COPS9: variants seen among roughly 807,000 people sequenced by gnomAD.
The protein encoded by COPS9 is COP9 signalosome complex subunit 9.
Under a neutral mutation model 7.2 loss-of-function variants are expected in COPS9, and 8 were observed. The ratio of observed to expected loss-of-function variants is 1.11; its 90% CI spans 0.65 to 2.00. The LOEUF (loss-of-function observed/expected upper bound fraction) is 2.00. Among genes scored for constraint, COPS9 ranks in the 30% most tolerant of loss-of-function variants. The pLI, the probability that COPS9 is intolerant of heterozygous loss-of-function variation, is 0.00. For missense variants in COPS9, 74 were observed against 77.7 expected, an observed-to-expected ratio of 0.95 and a Z score of 0.18; for synonymous variants, 39 against 28.7, an observed-to-expected ratio of 1.36 and a Z score of -1.14.
rs890214146 is a variant in COPS9, at chr2:240,131,190, C to T, written c.137-102G>A. Reference sequence around the variant, plus strand: ...TAGTAGTCCAAAATACAGAGATAATCGTCAATGATCCAATGAAATAAAAGA... The same window carrying T: ...TAGTAGTCCAAAATACAGAGATAATTGTCAATGATCCAATGAAATAAAAGA... On this transcript the variant is annotated intron_variant, in intron 2 of 2. Transcript: ENST00000607357. The T allele has an allele frequency of 1.9e-5, 24 of 1,272,044 alleles. No individual in the cohort carries two copies. The South Asian group carries it at 2.2e-4, about 11-fold the overall frequency. 78.8% of individuals were successfully genotyped at this position (1,272,044 alleles called of 1,614,324 possible).
At chr2:240,127,529 C>G (rs537487108), downstream of COPS9, among the ~76,000 whole-genome samples, 15 of 152,270 alleles carry the variant, frequency 9.9e-5, no homozygotes, top group South Asian at 3.1e-3. Flanking sequence ...CCTCAAAATT[C>G]ACATCGAATC....
downstream of COPS9, among the ~76,000 whole-genome samples, chr2:240,127,468 T>G (rs1027418065): frequency 6.6e-6 from 1 of 152,114 alleles, no homozygotes; most frequent in African/African-American, 2.4e-5. Context: ...CATCGGGCCA[T>G]GTCTGCTCAC....
chr2:240,127,846 C>A (rs1311505339), downstream of COPS9, among the ~76,000 whole-genome samples: 4 of 152,162 alleles, frequency 2.6e-5, no homozygotes, highest in African/African-American at 9.7e-5. Context: ...ATCCCTCGAT[C>A]AGGGTTGCTC....
At chr2:240,129,742 G>T (rs922473220), downstream of COPS9, among the ~76,000 whole-genome samples, 1 of 152,196 alleles carries the variant, frequency 6.6e-6, no homozygotes, top group East Asian at 1.9e-4. Context: ...TGAATTGCAA[G>T]AACATAGCAC....
At chr2:240,128,775 C>T (rs1055254983), downstream of COPS9, among the ~76,000 whole-genome samples, 4 of 152,158 alleles carry the variant, frequency 2.6e-5, no homozygotes, top group Non-Finnish European at 4.4e-5. Flanking sequence ...GACAGCCTCA[C>T]GGTGACAGCC....
chr2:240,134,430 T>C, intron 1 of COPS9: 1 of 174,170 alleles, frequency 5.7e-6, no homozygotes, highest in South Asian at 1.4e-4. Flanking sequence ...GAAACTGACC[T>C]GCTCTGCCTC....
In COPS9 at chr2:240,136,279, C is replaced by T; in HGVS notation, c.6G>A (p.Lys2=). The part of the protein sequence containing the change: M[K]PAVDEMFPEG... ...CGGGGAACATCTCGTCCACCGCCGG[C>T]TTCATCTCGGGGCCGCGGCGCTCTA... The change falls in exon 1 of 3, where the codon AAG becomes AAA. Residue 2 remains lysine (K), a synonymous_variant. Coordinates refer to ENST00000607357, the MANE Select transcript of COPS9 (RefSeq NM_001163424.2). 1 of 1,569,582 alleles carries T rather than the reference C, an allele frequency of 6.4e-7. No homozygotes were observed. Among genetic ancestry groups the T allele is most frequent in the Non-Finnish European group, 8.6e-7 (1 of 1,161,814 alleles).
downstream of COPS9, among the ~76,000 whole-genome samples, chr2:240,129,638 G>A (rs2071900653): frequency 1.3e-5 from 2 of 152,178 alleles, no homozygotes. Context: ...GATCACGACA[G>A]AATTCACCCA....
At chr2:240,134,040 G>A (rs377332936) in intron 1 of COPS9, 35 bp from the exon 2 acceptor site, 25 of 1,607,754 alleles carry the variant, frequency 1.6e-5, no homozygotes, top group Middle Eastern at 1.7e-4. Context: ...TGTCAGGTGC[G>A]TTTTCCGAAA....
chr2:240,131,730 G>GTT (rs1490532130), intron 2 of COPS9, among the ~76,000 whole-genome samples: 1 of 152,188 alleles, frequency 6.6e-6, no homozygotes, highest in East Asian at 1.9e-4. Flanking sequence ...AGTCTTCTGT[G>GTT]TTTTTCAAAT....
downstream of COPS9, among the ~76,000 whole-genome samples, chr2:240,128,395 A>C (rs1451879028): frequency 2.0e-5 from 3 of 152,134 alleles, no homozygotes; most frequent in East Asian, 5.8e-4. Flanking sequence ...TCTTGCATGG[A>C]TTTTAATGGA....
At chr2:240,126,711 G>A, downstream of COPS9, 1 of 1,614,170 alleles carries the variant, frequency 6.2e-7, no homozygotes. Context: ...CCTGCTTCTT[G>A]TGGTTCTGAG....
intron 1 of COPS9, 55 bp from the exon 2 acceptor site, chr2:240,134,060 A>G (rs1473510462): frequency 6.4e-6 from 10 of 1,551,668 alleles, no homozygotes; most frequent in South Asian, 5.6e-5. Flanking sequence ...AGAACAGGTG[A>G]TAAGTGCATT....
chr2:240,129,780 G>A (rs2071901953), downstream of COPS9: 1 of 697,292 alleles, frequency 1.4e-6, no homozygotes, highest in Non-Finnish European at 2.5e-6. Flanking sequence ...TCCAAGTGCA[G>A]ACGACGTGCA....
chr2:240,127,063 C>T (rs2071873539), downstream of COPS9: 5 of 1,281,106 alleles, frequency 3.9e-6, no homozygotes, highest in East Asian at 2.4e-5. Context: ...CTACAAGGTA[C>T]AGGAACTTAG....
downstream of COPS9, chr2:240,130,044 G>T (rs372064146): frequency 1.6e-5 from 25 of 1,597,108 alleles, no homozygotes; most frequent in Non-Finnish European, 2.0e-5. Context: ...CCCCAACAAA[G>T]GACAGGAGCT....
At chr2:240,134,969 G>A (rs932501725) in intron 1 of COPS9, among the ~76,000 whole-genome samples, 11 of 140,262 alleles carry the variant, frequency 7.8e-5, no homozygotes, top group East Asian at 2.1e-4. Context: ...AAAGCCCTCC[G>A]GTGGCTCCAC....
downstream of COPS9, among the ~76,000 whole-genome samples, chr2:240,130,669 C>A (rs1003234415): frequency 6.6e-6 from 1 of 152,248 alleles, no homozygotes; most frequent in Non-Finnish European, 1.5e-5. Flanking sequence ...CCTGCTCCAG[C>A]ACATACAGCA....
rs1429396289 is a variant in COPS9, at chr2:240,132,241, GAAGA to G, written c.137-1157_137-1154del. The stretch of plus-strand genomic sequence containing the variant: ...CACAATTTTGTAAGACATGGCGAGG[GAAGA>G]GAGAGTGTCTCTTTCGTGGCTAGAA... On this transcript the variant is annotated intron_variant, in intron 2 of 2. Transcript: ENST00000607357. The surrounding 1 kb of genome is among the most constrained non-coding windows in gnomAD (Gnocchi z 4.1). Among the ~76,000 whole-genome samples, 1 of 152,230 alleles carries G rather than the reference GAAGA, an allele frequency of 6.6e-6. No individual in the cohort carries two copies. The highest frequency in any genetic ancestry group is 1.5e-5 in the Non-Finnish European group (1 of 68,040).
Sources: allele counts gnomAD v4.1 joint callset (sites outside exome capture counted in the v4.1 genomes callset), GRCh38; gene constraint gnomAD v4.1.1; non-coding constraint Gnocchi (gnomAD v3.1); transcripts MANE v1.5; gene names NCBI Gene and HGNC (gene_info 2026-07-23, HGNC 2026-07-21).